Variants in RORA observed in about 807,000 individuals in gnomAD.
The protein encoded by RORA is nuclear receptor ROR-alpha.
Under a neutral mutation model 69.5 loss-of-function variants are expected in RORA, and 7 were observed. The ratio of observed to expected loss-of-function variants is 0.10; its 90% CI spans 0.06 to 0.19. The LOEUF is 0.19. Among genes scored for constraint, RORA ranks in the 10% least tolerant of loss-of-function variants. The probability of loss-of-function intolerance (pLI) is 1.00; values close to 1 mark genes in which losing one functional copy is unlikely to be tolerated. For missense variants in RORA, 457 were observed against 663.0 expected, an observed-to-expected ratio of 0.69 and a Z score of 3.41; for synonymous variants, 261 against 240.8, an observed-to-expected ratio of 1.08 and a Z score of -0.78.
At chr15:60,948,812 T>C (rs554088633) in intron 1 of RORA, among the ~76,000 whole-genome samples, 2 of 152,226 alleles carry the variant, frequency 1.3e-5, no homozygotes, top group South Asian at 4.1e-4. Flanking sequence ...CACAAACCCA[T>C]TAAAGAACTA....
Position 60,988,007 on chromosome 15 carries a change from A to G in RORA, c.166+241046T>C, listed in dbSNP as rs576227233. On this transcript the variant is annotated intron_variant, in intron 1 of 10. Coordinates refer to ENST00000335670, the MANE Select transcript of RORA (RefSeq NM_134261.3). ...CTAATTGCATCCTTTTCTTCGTGGC[A>G]GCTTGGCCTGCTGTCCCCTGGCTGC... Among the ~76,000 whole-genome samples the G allele has an allele frequency of 9.2e-5, 14 of 152,324 alleles. 3 individuals carry two copies. Among genetic ancestry groups the G allele is most frequent in the African/African-American group, 3.4e-4 (14 of 41,560 alleles).
intron 1 of RORA, among the ~76,000 whole-genome samples, chr15:60,781,588 C>T (rs1164621964): frequency 6.6e-6 from 1 of 151,842 alleles, no homozygotes; most frequent in Non-Finnish European, 1.5e-5. Flanking sequence ...GGAGAACGCA[C>T]GCTTTGCCAC....
chr15:61,037,943 CT>C (rs1407666120), intron 1 of RORA, among the ~76,000 whole-genome samples: 2 of 152,120 alleles, frequency 1.3e-5, no homozygotes, highest in African/African-American at 4.8e-5. Flanking sequence ...TGTTTAATGA[CT>C]TTATCATTCA....
At chr15:60,526,152 A>G (rs2141418574) in intron 3 of RORA, among the ~76,000 whole-genome samples, 1 of 152,340 alleles carries the variant, frequency 6.6e-6, no homozygotes, top group African/African-American at 2.4e-5. Flanking sequence ...TCTGGCAGCA[A>G]TAAATCACAG....
chr15:60,726,511 C>T (rs1380704261), intron 1 of RORA, among the ~76,000 whole-genome samples: 10 of 152,208 alleles, frequency 6.6e-5, no homozygotes, highest in South Asian at 2.1e-4. Context: ...CTCCAGCTTA[C>T]GTGAAAGCCA....
intron 1 of RORA, among the ~76,000 whole-genome samples, chr15:61,168,590 G>C (rs2079558330): frequency 6.6e-6 from 1 of 151,842 alleles, no homozygotes; most frequent in Non-Finnish European, 1.5e-5. Flanking sequence ...GATATTTTTA[G>C]GATAAATAAA....
At chr15:61,027,932 C>G (rs1895919448) in intron 1 of RORA, among the ~76,000 whole-genome samples, 1 of 152,194 alleles carries the variant, frequency 6.6e-6, no homozygotes, top group Admixed American at 6.5e-5. Context: ...GTACCTAACC[C>G]ACAGTAAGTG....
chr15:60,535,362 G>T (rs2066643437), intron 2 of RORA, among the ~76,000 whole-genome samples: 1 of 152,144 alleles, frequency 6.6e-6, no homozygotes, highest in African/African-American at 2.4e-5. Context: ...CACATTTTCA[G>T]CCCTATTGCC....
chr15:60,765,726 A>T (rs2071978186), intron 1 of RORA: 1 of 152,160 alleles, frequency 6.6e-6, no homozygotes, highest in Non-Finnish European at 1.5e-5. Flanking sequence ...AAGCATAAAC[A>T]AGACCTCTGT....
intron 1 of RORA, among the ~76,000 whole-genome samples, chr15:60,737,673 G>C (rs1459194231): frequency 6.6e-6 from 1 of 152,232 alleles, no homozygotes; most frequent in Non-Finnish European, 1.5e-5. Flanking sequence ...TTACCTGTTT[G>C]TTTGGCTCAG....
rs777245180 is a variant in RORA at position 61,229,156 on chromosome 15, G to C, written c.63C>G (p.Asp21Glu). The part of the protein sequence containing the change: ...AASEPGSSGA[D>E]AAAGSRETPL... Reference sequence around the variant, plus strand: ...GGGTCTCCCTGGAGCCGGCGGCCGCGTCCGCGCCGCTGCTGCCTGGCTCGC... The same window carrying C: ...GGGTCTCCCTGGAGCCGGCGGCCGCCTCCGCGCCGCTGCTGCCTGGCTCGC... The change falls in exon 1 of 11, where the codon GAC (aspartate) becomes GAG (glutamate). Residue 21 changes from aspartate to glutamate, a missense_variant. Physicochemically the swap from Asp to Glu is conservative, Grantham distance 45. Around this residue, in one of 3 missense-constraint regions of RORA, gnomAD observed 119 missense variants for 92.4 expected, o/e 1.29. Coordinates refer to ENST00000335670, the MANE Select transcript of RORA (RefSeq NM_134261.3). The C allele has an allele frequency of 1.3e-5, 20 of 1,547,334 alleles. No individual in the cohort carries two copies. In the South Asian group the frequency reaches 1.7e-4, roughly 13 times the overall value.
intron 7 of RORA, 103 bp downstream of exon 7, chr15:60,503,432 G>T: frequency 8.8e-7 from 1 of 1,135,432 alleles, no homozygotes. Context: ...TATTATCATT[G>T]GAGAAAAACT....
Position 61,226,813 on chromosome 15 carries a change from C to T in RORA, c.166+2240G>A, listed in dbSNP as rs2080148866. ...AGTTGAGTGTTTGGGCCTTACCACC[C>T]CCCTCCCATTAAATCTTCCAGGAGG... On this transcript the variant is annotated intron_variant, in intron 1 of 10. Coordinates refer to ENST00000335670, the MANE Select transcript of RORA (RefSeq NM_134261.3). The surrounding 1 kb of genome is among the most constrained non-coding windows in gnomAD (Gnocchi z 4.2). Among the ~76,000 whole-genome samples the T allele has an allele frequency of 6.6e-6, 1 of 152,090 alleles. No individual in the cohort carries two copies. Among genetic ancestry groups the T allele is most frequent in the African/African-American group, 2.4e-5 (1 of 41,400 alleles).
chr15:60,644,394 T>A (rs911851401), intron 2 of RORA, among the ~76,000 whole-genome samples: 29 of 152,220 alleles, frequency 1.9e-4, no homozygotes, highest in Admixed American at 9.8e-4. Context: ...GTCTCCTGTT[T>A]TGGGGGGCTG....
chr15:60,556,804 C>A, intron 2 of RORA: 1 of 1,404,152 alleles, frequency 7.1e-7, no homozygotes, highest in South Asian at 1.2e-5. Context: ...TCCTAAAAGC[C>A]TTCGTAAATG....
chr15:60,547,312 G>A (rs1025151080), intron 2 of RORA, among the ~76,000 whole-genome samples: 3 of 143,090 alleles, frequency 2.1e-5, no homozygotes, highest in Non-Finnish European at 4.5e-5. Flanking sequence ...GTACTTTATA[G>A]TCCCTCTCCT....
intron 2 of RORA, among the ~76,000 whole-genome samples, chr15:60,589,176 G>A (rs954103480): frequency 6.6e-6 from 1 of 152,208 alleles, no homozygotes; most frequent in Non-Finnish European, 1.5e-5. Flanking sequence ...TCCTTACAGT[G>A]AGATCAGAGA....
chr15:61,170,103 G>A (rs935336176), intron 1 of RORA, among the ~76,000 whole-genome samples: 1 of 152,156 alleles, frequency 6.6e-6, no homozygotes, highest in Non-Finnish European at 1.5e-5. Context: ...TTCCTCATTT[G>A]TCAAGTGGGT....
Position 60,492,756 on chromosome 15 carries a change from T to C in RORA, c.*4699A>G, listed in dbSNP as rs2065066329. On this transcript the variant is annotated 3_prime_UTR_variant, in exon 11 of 11. Coordinates refer to ENST00000335670, the MANE Select transcript of RORA (RefSeq NM_134261.3). ...TTATTAATTTATCTTTTGAACACAC[T>C]GGCATAACTTTGCTTTGGAAGTTAT... 1 of 152,168 alleles carries C rather than the reference T, an allele frequency of 6.6e-6. No homozygotes were observed. The highest frequency in any genetic ancestry group is 2.4e-5 in the African/African-American group (1 of 41,440). The allele number at this position is 152,168 out of a possible 1,614,324, so 9.4% of individuals were successfully genotyped here.
Sources: gnomAD v4.1 joint callset for allele counts (sites outside exome capture counted in the v4.1 genomes callset) on GRCh38, gnomAD v4.1.1 for gene constraint, gnomAD v4.1.1 regional missense constraint, Gnocchi (gnomAD v3.1) non-coding constraint, MANE v1.5 for transcripts, NCBI Gene and HGNC (gene_info 2026-07-23, HGNC 2026-07-21) for gene names.